Variants in KDM4C observed in about 807,000 individuals in gnomAD.
KDM4C encodes the protein lysine-specific demethylase 4C.
Under a neutral mutation model 129.3 loss-of-function variants are expected in KDM4C, and 81 were observed. That is an observed-to-expected ratio of 0.63 (90% CI 0.52 to 0.75). KDM4C has a LOEUF of 0.75. Ranked by LOEUF, KDM4C falls within the 30% of genes least tolerant of loss-of-function variation. The pLI is 0.00. For synonymous variants in KDM4C, 573 were observed against 456.1 expected (o/e 1.26, Z -3.26); for missense variants, 1,457 against 1,304.0 (o/e 1.12, Z -1.81).
chr9:7,066,009 AAC>A lies in KDM4C; in HGVS notation c.2424+16810_2424+16811del, dbSNP rs1228361179. Among the ~76,000 whole-genome samples the A allele has an allele frequency of 4.6e-5, 7 of 151,810 alleles. No individual in the cohort carries two copies. The East Asian group carries it at 1.2e-3, about 25-fold the overall frequency. On this transcript the variant is annotated intron_variant, in intron 17 of 21. Transcript: ENST00000381309. ...GTAACAGCTTTAAAAAAAAAAAAAA[AAC>A]TGTAATTGAGATCCGCATAAAAATA... is the stretch of plus-strand genomic sequence containing the variant.
chr9:7,138,685 G>A (rs563472241), intron 19 of KDM4C, among the ~76,000 whole-genome samples: 1 of 152,178 alleles, frequency 6.6e-6, no homozygotes, highest in East Asian at 1.9e-4. Flanking sequence ...CAGGCATGGT[G>A]ACGTGTACCT....
chr9:6,929,760 A>G (rs1051124480), intron 8 of KDM4C, among the ~76,000 whole-genome samples: 7 of 152,108 alleles, frequency 4.6e-5, no homozygotes, highest in African/African-American at 1.7e-4. Context: ...AGCAGAAAGG[A>G]TACTTTTGTG....
At chr9:7,002,051 C>G (rs1295727706) in intron 12 of KDM4C, among the ~76,000 whole-genome samples, 3 of 152,070 alleles carry the variant, frequency 2.0e-5, no homozygotes, top group African/African-American at 7.2e-5. Flanking sequence ...TACCACCACA[C>G]CTGGCTAGTT....
intron 1 of KDM4C, 118 bp from the exon 2 acceptor site, chr9:6,792,854 G>A: frequency 1.0e-6 from 1 of 991,982 alleles, no homozygotes; most frequent in South Asian, 1.5e-5. Context: ...TGGTAGAAGG[G>A]AATGGGAAGT....
chr9:7,045,203 C>CTA (rs1269378083), intron 15 of KDM4C, among the ~76,000 whole-genome samples: 2 of 151,984 alleles, frequency 1.3e-5, no homozygotes, highest in Non-Finnish European at 2.9e-5. Flanking sequence ...TTTTGAGCAG[C>CTA]TTCCATGCTG....
chr9:6,886,793 G>T (rs1052615867), intron 6 of KDM4C, among the ~76,000 whole-genome samples: 1 of 151,950 alleles, frequency 6.6e-6, no homozygotes, highest in African/African-American at 2.4e-5. Flanking sequence ...CACTTGGCCT[G>T]TATTTTTTAG....
intron 12 of KDM4C, among the ~76,000 whole-genome samples, chr9:7,001,448 G>C (rs1820701820): frequency 1.3e-5 from 2 of 152,354 alleles, no homozygotes; most frequent in East Asian, 3.9e-4. Context: ...ACCCCCAGGA[G>C]AAGATTGAAT....
chr9:7,117,230 A>T (rs572325659), intron 18 of KDM4C, among the ~76,000 whole-genome samples: 3 of 152,100 alleles, frequency 2.0e-5, no homozygotes, highest in South Asian at 2.1e-4. Context: ...TGGTATTAAG[A>T]TTTACCTGGA....
intron 15 of KDM4C, among the ~76,000 whole-genome samples, chr9:7,040,078 C>A: frequency 6.6e-6 from 1 of 152,124 alleles, no homozygotes; most frequent in East Asian, 1.9e-4. Context: ...CCAAAAATTA[C>A]AATTTACATT....
rs548089196 is a variant in KDM4C at position 7,117,718 on chromosome 9, A to G, written c.2611-10348A>G. ...GAATATATTGCTCTTCCTAAATTAT[A>G]TTGTTGGCACCCAAGAAGCCTGAAG... On this transcript the variant is annotated intron_variant, in intron 18 of 21. Transcript: ENST00000381309. Among the ~76,000 whole-genome samples the G allele has an allele frequency of 2.0e-3, 307 of 151,954 alleles. 1 individual carries two copies. The highest frequency in any genetic ancestry group is 3.9e-3 in the Non-Finnish European group (266 of 67,978).
At chr9:7,111,488 A>T (rs1333171672) in intron 18 of KDM4C, among the ~76,000 whole-genome samples, 1 of 152,094 alleles carries the variant, frequency 6.6e-6, no homozygotes, top group Non-Finnish European at 1.5e-5. Context: ...ACAGATGAGG[A>T]AATGGAAACA....
chr9:6,858,054 C>T (rs992293500), intron 5 of KDM4C, among the ~76,000 whole-genome samples: 1 of 151,144 alleles, frequency 6.6e-6, no homozygotes, highest in Non-Finnish European at 1.5e-5. Flanking sequence ...CTCCTAAGCT[C>T]AAGCACTCTT....
intron 4 of KDM4C, among the ~76,000 whole-genome samples, chr9:6,823,225 C>G (rs1400718725): frequency 6.6e-6 from 1 of 152,162 alleles, no homozygotes; most frequent in Non-Finnish European, 1.5e-5. Flanking sequence ...TCTCTATTCT[C>G]CATCGTGCTG....
At chr9:6,751,044 G>A (rs1588066389) in intron 1 of KDM4C, among the ~76,000 whole-genome samples, 2 of 152,268 alleles carry the variant, frequency 1.3e-5, no homozygotes, top group African/African-American at 2.4e-5. Context: ...ACAGTCTCAG[G>A]ACCGTATCAT....
intron 1 of KDM4C, among the ~76,000 whole-genome samples, chr9:6,789,815 C>T (rs1475923147): frequency 6.6e-6 from 1 of 151,994 alleles, no homozygotes; most frequent in Non-Finnish European, 1.5e-5. Flanking sequence ...TGTTGCAGGC[C>T]CCCTCCCTGA....
intron 5 of KDM4C, among the ~76,000 whole-genome samples, chr9:6,870,791 A>G (rs1842725562): frequency 6.6e-6 from 1 of 151,508 alleles, no homozygotes; most frequent in African/African-American, 2.4e-5. Flanking sequence ...CAGAAACATA[A>G]ATAAGGGAGG....
intron 17 of KDM4C, among the ~76,000 whole-genome samples, chr9:7,056,065 A>G (rs1197245954): frequency 6.6e-6 from 1 of 152,252 alleles, no homozygotes; most frequent in East Asian, 1.9e-4. Flanking sequence ...TTAAAGACAG[A>G]GAAGTTCTAA....
intron 8 of KDM4C, among the ~76,000 whole-genome samples, chr9:6,894,507 G>C (rs1292921283): frequency 6.6e-6 from 1 of 152,224 alleles, no homozygotes; most frequent in Non-Finnish European, 1.5e-5. Context: ...AACAAGGTCT[G>C]TTATTTTATA....
intron 3 of KDM4C, among the ~76,000 whole-genome samples, chr9:6,807,690 T>C (rs1362698941): frequency 3.6e-5 from 5 of 137,564 alleles, no homozygotes; most frequent in South Asian, 2.5e-4. Flanking sequence ...GCCCGGCAGC[T>C]GCCCCGTCTG....
Sources: gnomAD v4.1 joint callset for allele counts (sites outside exome capture counted in the v4.1 genomes callset) on GRCh38, gnomAD v4.1.1 for gene constraint, MANE v1.5 for transcripts, NCBI Gene and HGNC (gene_info 2026-07-23, HGNC 2026-07-21) for gene names.